The following KALRN variants were observed in gnomAD, a reference collection of about 807,000 sequenced individuals.
KALRN encodes the protein kalirin RhoGEF kinase.
In KALRN, 70 loss-of-function variants were observed where a neutral mutation model predicts 353.7. The observed-to-expected ratio is 0.20, with a 90% CI of 0.16 to 0.24. KALRN has a LOEUF of 0.24. Among genes scored for constraint, KALRN ranks in the 10% least tolerant of loss-of-function variants. The pLI, the probability that KALRN is intolerant of heterozygous loss-of-function variation, is 1.00. For synonymous variants in KALRN, 1,391 were observed against 1,434.8 expected, an observed-to-expected ratio of 0.97 and a Z score of 0.69; for missense variants, 2,791 against 3,756.7, an observed-to-expected ratio of 0.74 and a Z score of 6.72.
intron 34 of KALRN, among the ~76,000 whole-genome samples, chr3:124,567,891 C>T (rs2073048516): frequency 6.6e-6 from 1 of 152,112 alleles, no homozygotes; most frequent in Non-Finnish European, 1.5e-5. Context: ...GGGAGGATTG[C>T]TTGAGCCTGA....
At position 124,474,735 on chromosome 3, in the gene KALRN, A is replaced by G; in HGVS notation, c.4101+3A>G. 1 of 1,612,252 alleles carries G rather than the reference A, an allele frequency of 6.2e-7. No homozygotes were observed. The highest frequency in any genetic ancestry group is 1.1e-5 in the South Asian group (1 of 91,038). ...TGGGACACTGCTTTGTTACCTGGGTAACCAACCTGAAATCCTTCTCCCACT... is the reference window on the plus strand; with the variant it reads ...TGGGACACTGCTTTGTTACCTGGGTGACCAACCTGAAATCCTTCTCCCACT... On this transcript the variant is annotated splice_donor_region_variant and intron_variant, in intron 26 of 59. Transcript: ENST00000682506.
intron 36 of KALRN, 160 bp from the exon 37 acceptor site, chr3:124,637,048 A>G (rs1205407199): frequency 1.9e-5 from 12 of 647,480 alleles, no homozygotes; most frequent in Middle Eastern, 3.8e-4. Flanking sequence ...GCCTGTATGT[A>G]TTACACCCAC....
intron 1 of KALRN, among the ~76,000 whole-genome samples, chr3:124,127,606 G>A (rs1270639443): frequency 6.6e-6 from 1 of 152,130 alleles, no homozygotes; most frequent in Non-Finnish European, 1.5e-5. Context: ...CTTTCCACTT[G>A]AGGCAGAAAT....
At position 124,548,458 on chromosome 3, in the gene KALRN, T is replaced by TA. The variant is rs2070004259; in HGVS notation, c.4936-14384dup. On this transcript the variant is annotated intron_variant, in intron 33 of 59. Transcript: ENST00000682506. Reference sequence around the variant, plus strand: ...CCCATACTATCTAGCCCCCATCTCTTACAGCTATCAAATGGAAGGCAAAAC... The same window carrying TA: ...CCCATACTATCTAGCCCCCATCTCTTAACAGCTATCAAATGGAAGGCAAAAC... Among the ~76,000 whole-genome samples, 3 of 152,316 alleles carry TA rather than the reference T, an allele frequency of 2.0e-5. No individual in the cohort carries two copies. In the South Asian group the frequency reaches 6.2e-4, roughly 32 times the overall value.
At chr3:124,037,920 T>TG (rs564455487) in intron 1 of KALRN, among the ~76,000 whole-genome samples, 155 of 151,268 alleles carry the variant, frequency 1.0e-3, no homozygotes, top group African/African-American at 2.8e-3. Flanking sequence ...ACATGAAGCA[T>TG]GGGGGGGGCG....
chr3:124,064,576 C>G (rs2042206635), intron 1 of KALRN, among the ~76,000 whole-genome samples: 1 of 152,236 alleles, frequency 6.6e-6, no homozygotes, highest in Non-Finnish European at 1.5e-5. Context: ...TTGCTGACCT[C>G]CCACCGCACA....
At chr3:124,280,951 C>T (rs1560448884) in intron 5 of KALRN, among the ~76,000 whole-genome samples, 1 of 152,132 alleles carries the variant, frequency 6.6e-6, no homozygotes, top group Non-Finnish European at 1.5e-5. Flanking sequence ...GCCTCATACT[C>T]TTATCTTGTA....
intron 34 of KALRN, among the ~76,000 whole-genome samples, chr3:124,587,235 G>A (rs1385275412): frequency 1.3e-5 from 2 of 152,142 alleles, no homozygotes; most frequent in Admixed American, 6.5e-5. Flanking sequence ...GTAGATAAAG[G>A]CGGCCGGTTG....
At chr3:124,496,017 ACAC>A (rs2063799647) in intron 32 of KALRN, among the ~76,000 whole-genome samples, 1 of 35,282 alleles carries the variant, frequency 2.8e-5, no homozygotes, top group Admixed American at 3.6e-4. Context: ...ATATATACAC[ACAC>A]ATATATACAT....
chr3:124,110,966 T>C (rs572414235), intron 1 of KALRN, among the ~76,000 whole-genome samples: 7 of 152,360 alleles, frequency 4.6e-5, no homozygotes, highest in African/African-American at 1.2e-4. Context: ...TTCTTGCAGA[T>C]TGGCAAATGC....
intron 3 of KALRN, among the ~76,000 whole-genome samples, chr3:124,257,649 T>C (rs571152994): frequency 6.6e-6 from 1 of 151,840 alleles, no homozygotes; most frequent in East Asian, 1.9e-4. Flanking sequence ...TCACAAAGGG[T>C]GAGAACCTGG....
At chr3:124,213,678 C>A (rs1560248537) in intron 1 of KALRN, among the ~76,000 whole-genome samples, 2 of 152,174 alleles carry the variant, frequency 1.3e-5, no homozygotes, top group South Asian at 4.1e-4. Flanking sequence ...TTATTTGAAT[C>A]TTCTTTTATA....
At chr3:124,677,955 C>T (rs1462725449) in intron 49 of KALRN, among the ~76,000 whole-genome samples, 1 of 152,114 alleles carries the variant, frequency 6.6e-6, no homozygotes, top group East Asian at 1.9e-4. Context: ...CTTTAAATGC[C>T]GTAGTCAACC....
chr3:124,580,133 C>A (rs961196116), intron 34 of KALRN, among the ~76,000 whole-genome samples: 1 of 152,192 alleles, frequency 6.6e-6, no homozygotes, highest in Non-Finnish European at 1.5e-5. Flanking sequence ...AATGCAAATT[C>A]TCAGGCCCCA....
intron 51 of KALRN, among the ~76,000 whole-genome samples, chr3:124,682,840 C>A (rs189958698): frequency 6.6e-6 from 1 of 152,242 alleles, no homozygotes; most frequent in African/African-American, 2.4e-5. Context: ...ATGTTTACAT[C>A]CTTTTCCTTC....
chr3:124,180,458 G>C (rs2073417085), intron 1 of KALRN, among the ~76,000 whole-genome samples: 1 of 152,184 alleles, frequency 6.6e-6, no homozygotes, highest in African/African-American at 2.4e-5. Context: ...CCTAGAAAAA[G>C]AAGGGAAAAG....
chr3:124,445,381 A>G (rs1013979542), intron 19 of KALRN, among the ~76,000 whole-genome samples: 1 of 152,222 alleles, frequency 6.6e-6, no homozygotes, highest in Admixed American at 6.5e-5. Context: ...ACTATTTAAA[A>G]CGCTTAAGAC....
At chr3:124,455,686 A>G (rs1430688917) in intron 22 of KALRN, among the ~76,000 whole-genome samples, 1 of 152,220 alleles carries the variant, frequency 6.6e-6, no homozygotes, top group African/African-American at 2.4e-5. Flanking sequence ...TGGCTTCATA[A>G]GTACCATCTT....
chr3:124,228,325 T>C (rs2078802842), intron 2 of KALRN, among the ~76,000 whole-genome samples: 1 of 152,174 alleles, frequency 6.6e-6, no homozygotes, highest in Non-Finnish European at 1.5e-5. Context: ...GGCCTGGCCC[T>C]GTGAGAGTTG....
Sources: allele counts gnomAD v4.1 joint callset (sites outside exome capture counted in the v4.1 genomes callset), GRCh38; gene constraint gnomAD v4.1.1; transcripts MANE v1.5; gene names NCBI Gene and HGNC (gene_info 2026-07-23, HGNC 2026-07-21).